The following KIF6 variants were observed in gnomAD, a reference collection of about 807,000 sequenced individuals.
KIF6 encodes the protein kinesin-like protein KIF6.
Under a neutral mutation model 112.7 loss-of-function variants are expected in KIF6, and 106 were observed. The observed-to-expected ratio is 0.94, with a 90% CI of 0.80 to 1.11. KIF6 has a LOEUF of 1.11. Among genes scored for constraint, KIF6 ranks in the 50% least tolerant of loss-of-function variants. The probability of loss-of-function intolerance (pLI) is 0.00; values close to 1 mark genes in which losing one functional copy is unlikely to be tolerated. For missense variants in KIF6, 929 were observed against 964.0 expected, an observed-to-expected ratio of 0.96 and a Z score of 0.48; for synonymous variants, 339 against 339.9, an observed-to-expected ratio of 1.00 and a Z score of 0.03.
chr6:39,593,703 C>T (rs184157190), intron 7 of KIF6, among the ~76,000 whole-genome samples: 3 of 152,302 alleles, frequency 2.0e-5, no homozygotes, highest in Admixed American at 1.3e-4. Context: ...TGGGCTGGAA[C>T]TAAGAGCTGA....
At chr6:39,463,621 T>C (rs1428691274) in intron 13 of KIF6, among the ~76,000 whole-genome samples, 1 of 152,246 alleles carries the variant, frequency 6.6e-6, no homozygotes, top group Non-Finnish European at 1.5e-5. Flanking sequence ...TCCTGAGTAA[T>C]TAAAAATTCC....
At chr6:39,584,598 T>G (rs1781511252) in intron 9 of KIF6, among the ~76,000 whole-genome samples, 1 of 152,066 alleles carries the variant, frequency 6.6e-6, no homozygotes, top group African/African-American at 2.4e-5. Flanking sequence ...AATGGGGAGC[T>G]GCAAGTAGGA....
chr6:39,680,304 G>T lies in KIF6; in HGVS notation c.251+34388C>A, dbSNP rs1017227564. Among the ~76,000 whole-genome samples, 4 of 152,322 alleles carry T rather than the reference G, an allele frequency of 2.6e-5. No homozygotes were observed. In the East Asian group the frequency reaches 7.7e-4, roughly 29 times the overall value. ...ACTACAGGCATGAGCCACCATGCCC[G>T]GGTGTATAATTAGTTTTTAATTCAG... On this transcript the variant is annotated intron_variant, in intron 3 of 22. Transcript: ENST00000287152.
rs141681796 is a variant in KIF6, at chr6:39,523,607, G to A, written c.1645+16396C>T. Among the ~76,000 whole-genome samples the A allele has an allele frequency of 3.3e-3, 427 of 131,168 alleles. 3 individuals carry two copies. Among genetic ancestry groups the A allele is most frequent in the African/African-American group, 0.012 (417 of 33,406 alleles). 86.1% of individuals were successfully genotyped at this position (131,168 alleles called of 152,430 possible). A position where few individuals can be genotyped will look rare whatever the true frequency, so the allele number is the denominator to read the frequency against. Reference sequence around the variant, plus strand: ...TGCTTGAGAAGTTCCCTAGGCCTCAGTGCTCTCTTCTTTACTTCCCTCCCC... The same window carrying A: ...TGCTTGAGAAGTTCCCTAGGCCTCAATGCTCTCTTCTTTACTTCCCTCCCC... On this transcript the variant is annotated intron_variant, in intron 13 of 22. Coordinates refer to ENST00000287152, the MANE Select transcript of KIF6 (RefSeq NM_145027.6).
chr6:39,590,004 A>AG (rs1372285423), intron 7 of KIF6, among the ~76,000 whole-genome samples: 1 of 152,204 alleles, frequency 6.6e-6, no homozygotes, highest in Admixed American at 6.5e-5. Flanking sequence ...AGTATGTCCT[A>AG]GGAAGGCAGT....
chr6:39,411,539 G>C (rs1047808735), intron 15 of KIF6, among the ~76,000 whole-genome samples: 14 of 152,228 alleles, frequency 9.2e-5, no homozygotes, highest in African/African-American at 3.1e-4. Flanking sequence ...TTATGGTTTA[G>C]TAAGAAGAAG....
At chr6:39,508,795 G>A (rs1251794448) in intron 13 of KIF6, among the ~76,000 whole-genome samples, 1 of 152,180 alleles carries the variant, frequency 6.6e-6, no homozygotes, top group African/African-American at 2.4e-5. Flanking sequence ...CTGGGGGCAG[G>A]GCACATCTGA....
chr6:39,442,126 C>T (rs1446333439), intron 13 of KIF6, among the ~76,000 whole-genome samples: 7 of 152,154 alleles, frequency 4.6e-5, no homozygotes, highest in African/African-American at 9.7e-5. Flanking sequence ...GCAGACCACG[C>T]GGGCTGGGTG....
intron 3 of KIF6, among the ~76,000 whole-genome samples, chr6:39,711,285 A>G (rs977245315): frequency 3.3e-5 from 5 of 149,742 alleles, no homozygotes; most frequent in African/African-American, 9.7e-5. Flanking sequence ...AGTAAAAAAA[A>G]AAAAAAAAAA....
intron 13 of KIF6, among the ~76,000 whole-genome samples, chr6:39,451,905 T>C (rs1052645455): frequency 1.1e-4 from 16 of 152,168 alleles, no homozygotes; most frequent in African/African-American, 3.4e-4. Flanking sequence ...TTACTTAAAA[T>C]GGGTAGCTAG....
chr6:39,537,148 A>C lies in KIF6; in HGVS notation c.1645+2855T>G, dbSNP rs1234031247. The stretch of plus-strand genomic sequence containing the variant: ...AAAACTGGAAGCATTCCCTTTGAAA[A>C]CTGGCACAAGACAGGGATGCCCTCT... On this transcript the variant is annotated intron_variant, in intron 13 of 22. Transcript: ENST00000287152. Among the ~76,000 whole-genome samples the C allele has an allele frequency of 1.5e-4, 23 of 152,124 alleles. 1 individual carries two copies. Among genetic ancestry groups the C allele is most frequent in the African/African-American group, 4.6e-4 (19 of 41,420 alleles).
chr6:39,562,505 A>G (rs1780060925), intron 10 of KIF6, among the ~76,000 whole-genome samples: 1 of 152,190 alleles, frequency 6.6e-6, no homozygotes, highest in South Asian at 2.1e-4. Flanking sequence ...CCAATTCTAG[A>G]ATACCACTTG....
intron 13 of KIF6, among the ~76,000 whole-genome samples, chr6:39,455,986 C>G (rs1318223643): frequency 2.3e-5 from 2 of 87,240 alleles, no homozygotes; most frequent in African/African-American, 9.0e-5. Context: ...TCTAGCAAGG[C>G]AGGCCAACGT....
At chr6:39,441,474 G>A (rs2150395548) in intron 13 of KIF6, among the ~76,000 whole-genome samples, 1 of 152,272 alleles carries the variant, frequency 6.6e-6, no homozygotes, top group African/African-American at 2.4e-5. Flanking sequence ...GTATCACTGA[G>A]GAGCCCTCCA....
At chr6:39,450,022 CT>C (rs1426733635) in intron 13 of KIF6, among the ~76,000 whole-genome samples, 1 of 152,110 alleles carries the variant, frequency 6.6e-6, no homozygotes, top group Non-Finnish European at 1.5e-5. Context: ...GTTTGTTTTG[CT>C]TTTATTTTTA....
intron 13 of KIF6, among the ~76,000 whole-genome samples, chr6:39,502,290 G>A (rs1346479689): frequency 1.3e-5 from 2 of 152,052 alleles, no homozygotes; most frequent in Non-Finnish European, 2.9e-5. Flanking sequence ...CAAATGCTGA[G>A]GGAATTTGGT....
chr6:39,530,981 T>A (rs563354226), intron 13 of KIF6, among the ~76,000 whole-genome samples: 1 of 152,146 alleles, frequency 6.6e-6, no homozygotes, highest in Non-Finnish European at 1.5e-5. Flanking sequence ...TTTGCCGCCT[T>A]GATTCATCCA....
intron 13 of KIF6, among the ~76,000 whole-genome samples, chr6:39,461,724 ATC>A (rs1773491071): frequency 1.3e-5 from 2 of 152,168 alleles, no homozygotes; most frequent in Non-Finnish European, 2.9e-5. Flanking sequence ...TTTGATCTAC[ATC>A]TGTTTTATAA....
At chr6:39,652,193 T>A (rs1785507312) in intron 3 of KIF6, among the ~76,000 whole-genome samples, 1 of 152,158 alleles carries the variant, frequency 6.6e-6, no homozygotes, top group South Asian at 2.1e-4. Flanking sequence ...TACAGCATCA[T>A]CTTACTAACT....
Sources: allele counts gnomAD v4.1 joint callset (sites outside exome capture counted in the v4.1 genomes callset), GRCh38; gene constraint gnomAD v4.1.1; transcripts MANE v1.5; gene names NCBI Gene and HGNC (gene_info 2026-07-23, HGNC 2026-07-21).